The following MYT1L variants were observed in gnomAD, a reference collection of about 807,000 sequenced individuals.
The protein encoded by MYT1L is myelin transcription factor 1 like.
Under a neutral mutation model 126.7 loss-of-function variants are expected in MYT1L, and 12 were observed. The ratio of observed to expected loss-of-function variants is 0.09; its 90% CI spans 0.06 to 0.15. The LOEUF (loss-of-function observed/expected upper bound fraction) is 0.15. Ranked by LOEUF, MYT1L falls within the 10% of genes least tolerant of loss-of-function variation. The pLI, the probability that MYT1L is intolerant of heterozygous loss-of-function variation, is 1.00. For missense variants in MYT1L, 979 were observed against 1,585.2 expected (o/e 0.62, Z 6.49); for synonymous variants, 541 against 604.2 (o/e 0.90, Z 1.53).
chr2:1,865,744 G>C (rs2045378196), intron 18 of MYT1L, among the ~76,000 whole-genome samples: 1 of 152,114 alleles, frequency 6.6e-6, no homozygotes, highest in Non-Finnish European at 1.5e-5. Context: ...GCAGGGGTAA[G>C]AAGAGCCAGC....
intron 1 of MYT1L, among the ~76,000 whole-genome samples, chr2:2,293,270 G>A (rs1007375725): frequency 2.0e-5 from 3 of 152,218 alleles, no homozygotes; most frequent in Non-Finnish European, 2.9e-5. Flanking sequence ...GCACCGAGGA[G>A]GGAAAGAAAA....
intron 21 of MYT1L, among the ~76,000 whole-genome samples, chr2:1,823,942 C>G (rs1296806715): frequency 6.6e-6 from 1 of 152,200 alleles, no homozygotes; most frequent in African/African-American, 2.4e-5. Context: ...TTACGTGGCA[C>G]AGTGTTGGCC....
At chr2:2,099,344 G>GTTT (rs3047991) in intron 3 of MYT1L, among the ~76,000 whole-genome samples, 4 of 144,492 alleles carry the variant, frequency 2.8e-5, no homozygotes, top group African/African-American at 1.0e-4. Flanking sequence ...AATGTCATTT[G>GTTT]TTTTTTTTTT....
intron 3 of MYT1L, among the ~76,000 whole-genome samples, chr2:2,109,859 C>G (rs886480110): frequency 6.3e-5 from 8 of 126,058 alleles, no homozygotes; most frequent in Non-Finnish European, 1.3e-4. Flanking sequence ...GAGGAAGATT[C>G]ACAAAAGTGC....
At chr2:2,248,994 A>C (rs1307223651) in intron 2 of MYT1L, among the ~76,000 whole-genome samples, 1 of 152,110 alleles carries the variant, frequency 6.6e-6, no homozygotes, top group African/African-American at 2.4e-5. Context: ...GTTATTCAAG[A>C]TAGTACTGAA....
At chr2:1,808,526 C>G (rs1183319600) in intron 22 of MYT1L, among the ~76,000 whole-genome samples, 2 of 152,234 alleles carry the variant, frequency 1.3e-5, no homozygotes, top group Non-Finnish European at 2.9e-5. Context: ...TTAAGTGGCT[C>G]TCCTCTCTCC....
At chr2:2,324,578 A>G (rs1189040995) in intron 1 of MYT1L, 2 of 152,640 alleles carry the variant, frequency 1.3e-5, no homozygotes, top group Non-Finnish European at 2.9e-5. Context: ...AGTTGACACC[A>G]CTAAACGACA....
At chr2:2,320,098 A>T (rs555868316) in intron 1 of MYT1L, among the ~76,000 whole-genome samples, 8 of 152,282 alleles carry the variant, frequency 5.3e-5, no homozygotes, top group African/African-American at 1.9e-4. Flanking sequence ...TAATTAATAT[A>T]TGTGCAAGTA....
At chr2:2,327,353 G>A (rs1216740018) in intron 1 of MYT1L, among the ~76,000 whole-genome samples, 2 of 152,050 alleles carry the variant, frequency 1.3e-5, no homozygotes, top group Non-Finnish European at 2.9e-5. Context: ...TTGTGTTGTG[G>A]TACAGAATAC....
intron 3 of MYT1L, among the ~76,000 whole-genome samples, chr2:2,113,262 A>G (rs1227058627): frequency 1.3e-5 from 2 of 152,188 alleles, no homozygotes; most frequent in Non-Finnish European, 2.9e-5. Flanking sequence ...TAAAAATTAA[A>G]CTTTGGTCCT....
At chr2:1,961,964 G>A (rs1169078364) in intron 8 of MYT1L, among the ~76,000 whole-genome samples, 1 of 152,206 alleles carries the variant, frequency 6.6e-6, no homozygotes, top group Admixed American at 6.5e-5. Flanking sequence ...TAATTTGGAT[G>A]TTTCTAGCAT....
chr2:2,164,860 TG>T (rs1312462090), intron 3 of MYT1L, among the ~76,000 whole-genome samples: 1 of 152,202 alleles, frequency 6.6e-6, no homozygotes, highest in Admixed American at 6.5e-5. Context: ...CACAGTGTCC[TG>T]CTAGAACAGT....
In MYT1L at chr2:1,899,152, G is replaced by A. The variant is rs915522597; in HGVS notation, c.2032+3928C>T. Among the ~76,000 whole-genome samples, 15 of 152,340 alleles carry A rather than the reference G, an allele frequency of 9.8e-5. No homozygotes were observed. In the South Asian group the frequency reaches 1.0e-3, roughly 11 times the overall value. On this transcript the variant is annotated intron_variant, in intron 14 of 24. Transcript: ENST00000647738. ...AAGGTGGAGATATAATAGGCCAGGG[G>A]TTGGCAACTTTTTCTGGAGAGGATT...
chr2:2,290,982 A>C (rs1055038148), intron 1 of MYT1L, among the ~76,000 whole-genome samples: 2 of 152,260 alleles, frequency 1.3e-5, no homozygotes, highest in South Asian at 4.1e-4. Context: ...AAAAAGATAA[A>C]ACATTGACAA....
chr2:2,104,465 T>C (rs530323924), intron 3 of MYT1L, among the ~76,000 whole-genome samples: 2 of 152,356 alleles, frequency 1.3e-5, no homozygotes, highest in East Asian at 1.9e-4. Context: ...CTGCACACAC[T>C]AGCCCTTTAG....
chr2:2,099,564 T>C (rs1463258989), intron 3 of MYT1L, among the ~76,000 whole-genome samples: 2 of 152,218 alleles, frequency 1.3e-5, no homozygotes, highest in South Asian at 2.1e-4. Context: ...CTTATTTACA[T>C]TGGGTCTCAA....
intron 1 of MYT1L, among the ~76,000 whole-genome samples, chr2:2,289,875 T>C (rs1313230373): frequency 6.6e-6 from 1 of 152,214 alleles, no homozygotes; most frequent in East Asian, 1.9e-4. Flanking sequence ...TGTCATGGCA[T>C]AAACAGGGCT....
intron 8 of MYT1L, among the ~76,000 whole-genome samples, chr2:1,963,563 T>C (rs568783676): frequency 2.0e-5 from 3 of 152,352 alleles, no homozygotes; most frequent in South Asian, 2.1e-4. Context: ...TTTGTCCACA[T>C]TGAAGATCTG....
At position 1,922,167 on chromosome 2, in the gene MYT1L, A is replaced by C; in HGVS notation, c.1483+119T>G. On this transcript the variant is annotated intron_variant, in intron 10 of 24. Transcript: ENST00000647738. The surrounding 1 kb of genome is among the most constrained non-coding windows in gnomAD (Gnocchi z 7.4). The stretch of plus-strand genomic sequence containing the variant: ...AAATATCCTTCTGGAATCAACTCTA[A>C]GAATGTGCAGTAGAGACATAATTCA... 2 of 1,302,956 alleles carry C rather than the reference A, an allele frequency of 1.5e-6. No individual in the cohort carries two copies. The highest frequency in any genetic ancestry group is 3.0e-5 in the South Asian group (2 of 65,886). The allele number at this position is 1,302,956 out of a possible 1,614,324, so 80.7% of individuals were successfully genotyped here. A position where few individuals can be genotyped will look rare whatever the true frequency, so the allele number is the denominator to read the frequency against.
Sources: allele counts gnomAD v4.1 joint callset (sites outside exome capture counted in the v4.1 genomes callset), GRCh38; gene constraint gnomAD v4.1.1; non-coding constraint Gnocchi (gnomAD v3.1); transcripts MANE v1.5; gene names NCBI Gene and HGNC (gene_info 2026-07-23, HGNC 2026-07-21).